UVRAG: variants seen among roughly 807,000 people sequenced by gnomAD.
The protein encoded by UVRAG is UV radiation resistance-associated gene protein.
UVRAG carries 19 observed loss-of-function variants against 78.0 expected under a neutral mutation model. That is an observed-to-expected ratio of 0.24 (90% CI 0.17 to 0.36). The LOEUF (loss-of-function observed/expected upper bound fraction) is 0.36. UVRAG is among the 10% of genes least tolerant of loss of function. UVRAG has a pLI of 1.00. For synonymous variants in UVRAG, 323 were observed against 324.6 expected, an observed-to-expected ratio of 1.00 and a Z score of 0.05; for missense variants, 740 against 853.8, an observed-to-expected ratio of 0.87 and a Z score of 1.66.
intron 1 of UVRAG, among the ~76,000 whole-genome samples, chr11:75,849,638 ATGGT>A (rs1229883664): frequency 2.6e-5 from 4 of 152,242 alleles, no homozygotes; most frequent in Non-Finnish European, 5.9e-5. Flanking sequence ...CAGTACAGTG[ATGGT>A]TGTGGTTTCT....
intron 4 of UVRAG, among the ~76,000 whole-genome samples, chr11:75,881,907 T>C (rs148806485): frequency 1.3e-5 from 2 of 152,298 alleles, no homozygotes; most frequent in East Asian, 3.9e-4. Flanking sequence ...CTTTAGGAAA[T>C]GATTCAAGAT....
chr11:75,974,679 T>C (rs1400847238), intron 7 of UVRAG, among the ~76,000 whole-genome samples: 1 of 152,264 alleles, frequency 6.6e-6, no homozygotes, highest in Non-Finnish European at 1.5e-5. Context: ...TGTCTTCTTT[T>C]GAGAAGTGTC....
intron 12 of UVRAG, among the ~76,000 whole-genome samples, chr11:76,060,623 C>T (rs975319217): frequency 2.0e-5 from 3 of 152,198 alleles, no homozygotes; most frequent in East Asian, 1.9e-4. Context: ...GCTGGAGTTC[C>T]GGGTGGGCGT....
chr11:75,999,359 T>G (rs1014817482), intron 8 of UVRAG, among the ~76,000 whole-genome samples: 2 of 152,046 alleles, frequency 1.3e-5, no homozygotes, highest in Non-Finnish European at 2.9e-5. Flanking sequence ...GAAAGTATAC[T>G]TTTTTCAGTT....
At chr11:76,036,454 C>T (rs764206967) in intron 12 of UVRAG, among the ~76,000 whole-genome samples, 1 of 152,096 alleles carries the variant, frequency 6.6e-6, no homozygotes, top group Non-Finnish European at 1.5e-5. Flanking sequence ...GGGAGGATCA[C>T]TTGAGCCCAG....
intron 7 of UVRAG, among the ~76,000 whole-genome samples, chr11:75,982,325 G>A (rs1343078544): frequency 1.3e-5 from 2 of 152,230 alleles, no homozygotes; most frequent in Non-Finnish European, 2.9e-5. Flanking sequence ...ATACTGGCCA[G>A]GAGTGGCTCC....
At chr11:76,106,400 C>G (rs113530402) in intron 13 of UVRAG, among the ~76,000 whole-genome samples, 14,094 of 151,936 alleles carry the variant, frequency 0.093, 1,439 homozygotes, top group African/African-American at 0.26. Flanking sequence ...GAATCCCGCT[C>G]TGTTGCCCAG....
At chr11:75,850,874 GAATCTT>G (rs1946140930) in intron 1 of UVRAG, among the ~76,000 whole-genome samples, 1 of 152,194 alleles carries the variant, frequency 6.6e-6, no homozygotes, top group South Asian at 2.1e-4. Flanking sequence ...CTCTCTCAAA[GAATCTT>G]AATCTCTAGA....
chr11:75,859,905 G>C (rs1946380230), intron 2 of UVRAG, among the ~76,000 whole-genome samples: 1 of 152,162 alleles, frequency 6.6e-6, no homozygotes, highest in African/African-American at 2.4e-5. Flanking sequence ...GCTGGAGAAG[G>C]CGAATTGTTT....
At chr11:76,034,281 T>C (rs1950488743) in intron 12 of UVRAG, among the ~76,000 whole-genome samples, 1 of 152,118 alleles carries the variant, frequency 6.6e-6, no homozygotes, top group African/African-American at 2.4e-5. Context: ...AGCTTTGACC[T>C]CCTGGTCTCA....
intron 8 of UVRAG, among the ~76,000 whole-genome samples, chr11:75,987,678 A>T (rs185121920): frequency 4.9e-4 from 75 of 151,780 alleles, no homozygotes; most frequent in African/African-American, 1.6e-3. Flanking sequence ...GCATTTTTGT[A>T]GTTCTTATTT....
At chr11:75,988,330 T>C (rs1027521778) in intron 8 of UVRAG, among the ~76,000 whole-genome samples, 1 of 152,254 alleles carries the variant, frequency 6.6e-6, no homozygotes, top group African/African-American at 2.4e-5. Context: ...GATACCATTT[T>C]CCTTTTCTAG....
chr11:75,920,512 C>G (rs375320827), intron 6 of UVRAG, among the ~76,000 whole-genome samples: 1 of 152,008 alleles, frequency 6.6e-6, no homozygotes, highest in African/African-American at 2.4e-5. Flanking sequence ...AAGCAAAATA[C>G]GGGAGTAATT....
intron 12 of UVRAG, among the ~76,000 whole-genome samples, chr11:76,065,177 A>G (rs1247963913): frequency 6.6e-6 from 1 of 152,260 alleles, no homozygotes; most frequent in African/African-American, 2.4e-5. Flanking sequence ...GAGAAGTTGC[A>G]TCCAAATAGC....
chr11:75,908,712 C>CTTTT lies in UVRAG; in HGVS notation c.508-3218_508-3215dup, dbSNP rs1024795820. Among the ~76,000 whole-genome samples, 187 of 45,450 alleles carry CTTTT rather than the reference C, an allele frequency of 4.1e-3. 22 individuals are homozygous for CTTTT. The highest frequency in any genetic ancestry group is 0.015 in the African/African-American group (170 of 11,590). 29.8% of individuals were successfully genotyped at this position (45,450 alleles called of 152,430 possible). On this transcript the variant is annotated intron_variant, in intron 5 of 14. Coordinates refer to ENST00000356136, the MANE Select transcript of UVRAG (RefSeq NM_003369.4). ...ACCAGTCAAATAATCTGGTTCTGGG[C>CTTTT]TTTTTTTTTTTTTTTTTTTTTTTTT...
intron 6 of UVRAG, among the ~76,000 whole-genome samples, chr11:75,958,021 G>A (rs1197931035): frequency 6.6e-6 from 1 of 152,198 alleles, no homozygotes; most frequent in Admixed American, 6.5e-5. Context: ...ATAGCATTAT[G>A]TCTAAAAACA....
intron 7 of UVRAG, among the ~76,000 whole-genome samples, chr11:75,962,576 T>G (rs1261847395): frequency 6.6e-6 from 1 of 152,154 alleles, no homozygotes; most frequent in Non-Finnish European, 1.5e-5. Flanking sequence ...TAGTAGTAAT[T>G]CTTATTATTC....
At chr11:76,012,181 A>G (rs1950061983) in intron 11 of UVRAG, among the ~76,000 whole-genome samples, 1 of 152,076 alleles carries the variant, frequency 6.6e-6, no homozygotes, top group South Asian at 2.1e-4. Context: ...GTGAGAACCC[A>G]TTTCAAAATA....
chr11:76,093,982 G>A (rs1026461629), intron 13 of UVRAG, among the ~76,000 whole-genome samples: 20 of 152,108 alleles, frequency 1.3e-4, no homozygotes, highest in South Asian at 2.1e-4. Flanking sequence ...TCAGTATGAT[G>A]TTGGCTGTGG....
Sources: allele counts gnomAD v4.1 joint callset (sites outside exome capture counted in the v4.1 genomes callset), GRCh38; gene constraint gnomAD v4.1.1; transcripts MANE v1.5; gene names NCBI Gene and HGNC (gene_info 2026-07-23, HGNC 2026-07-21).